Variants in HIP1 observed in about 807,000 individuals in gnomAD.
HIP1 encodes the protein huntingtin-interacting protein 1.
HIP1 carries 65 observed loss-of-function variants against 147.6 expected under a neutral mutation model. The ratio of observed to expected loss-of-function variants is 0.44; its 90% confidence interval spans 0.36 to 0.54. HIP1 has a LOEUF of 0.54. Ranked by LOEUF, HIP1 falls within the 20% of genes least tolerant of loss-of-function variation. The pLI is 0.00. For synonymous variants in HIP1, 479 were observed against 504.0 expected, an observed-to-expected ratio of 0.95 and a Z score of 0.67; for missense variants, 1,061 against 1,299.6, an observed-to-expected ratio of 0.82 and a Z score of 2.82.
At position 75,538,181 on chromosome 7, in the gene HIP1, T is replaced by C; in HGVS notation, c.3105A>G (p.Glu1035=). The change falls in exon 31 of 31, where the codon GAA becomes GAG. Residue 1035 remains glutamate, a synonymous_variant. Transcript: ENST00000336926. The part of the protein sequence containing the change: ...SPPTLQEVVT[E]KE ...GGGTGTTGGTTTGGCTCTATTCTTT[T>C]TCGGTTACCACTTCTTGCAGTGTAG... 1 of 1,612,656 alleles carries C rather than the reference T, an allele frequency of 6.2e-7. No homozygotes were observed. Among genetic ancestry groups the C allele is most frequent in the Non-Finnish European group, 8.5e-7 (1 of 1,178,734 alleles).
intron 1 of HIP1, among the ~76,000 whole-genome samples, chr7:75,726,709 T>C (rs1801660928): frequency 6.6e-6 from 1 of 150,984 alleles, no homozygotes; most frequent in Admixed American, 6.6e-5. Flanking sequence ...TTTTCTTTTT[T>C]TTTTTTTTTT....
At chr7:75,565,422 T>C (rs1456657244) in intron 9 of HIP1, among the ~76,000 whole-genome samples, 1 of 152,212 alleles carries the variant, frequency 6.6e-6, no homozygotes, top group Non-Finnish European at 1.5e-5. Context: ...GAAATCAGCC[T>C]CAGGGCCTGT....
intron 1 of HIP1, among the ~76,000 whole-genome samples, chr7:75,721,068 T>TA (rs1554521260): frequency 7.1e-6 from 1 of 141,604 alleles, no homozygotes; most frequent in African/African-American, 2.7e-5. Flanking sequence ...CTCATCTCTA[T>TA]AAAAAATCAA....
At chr7:75,729,250 C>T (rs768619511) in intron 1 of HIP1, among the ~76,000 whole-genome samples, 17 of 130,608 alleles carry the variant, frequency 1.3e-4, no homozygotes, top group Non-Finnish European at 2.3e-4. Flanking sequence ...GAGAGGATCG[C>T]TTCAGGCCAG....
chr7:75,685,658 C>T (rs1800236576), intron 1 of HIP1, among the ~76,000 whole-genome samples: 1 of 152,240 alleles, frequency 6.6e-6, no homozygotes, highest in Non-Finnish European at 1.5e-5. Flanking sequence ...AAGCAATTCT[C>T]CTGCCTCAGC....
chr7:75,611,082 T>C (rs1318511545), intron 1 of HIP1, among the ~76,000 whole-genome samples: 1 of 90,136 alleles, frequency 1.1e-5, no homozygotes, highest in Non-Finnish European at 1.9e-5. Context: ...ATTTTTGTAT[T>C]TTGTATTTTT....
At chr7:75,592,299 T>G (rs1341883574) in intron 3 of HIP1, 73 bp downstream of exon 3, 2 of 1,535,200 alleles carry the variant, frequency 1.3e-6, no homozygotes, top group African/African-American at 2.7e-5. Context: ...GACAGCAGCC[T>G]CTGTGGCCCA....
chr7:75,597,684 G>A (rs1007768144), intron 2 of HIP1, among the ~76,000 whole-genome samples: 2 of 140,082 alleles, frequency 1.4e-5, no homozygotes, highest in East Asian at 4.4e-4. Flanking sequence ...AGGTTGCGGT[G>A]AGCTGAGATC....
rs532429468 is a variant in HIP1 at position 75,679,672 on chromosome 7, T to G, written c.120+59129A>C. 3.7e-5 allele frequency among the ~76,000 whole-genome samples: 3 copies of G among 80,666 alleles called. No homozygotes were observed. In the South Asian group the frequency reaches 1.3e-3, roughly 34 times the overall value. The allele number at this position is 80,666 out of a possible 152,430, so 52.9% of individuals were successfully genotyped here. A position where few individuals can be genotyped will look rare whatever the true frequency, so the allele number is the denominator to read the frequency against. On this transcript the variant is annotated intron_variant, in intron 1 of 30. Coordinates refer to ENST00000336926, the MANE Select transcript of HIP1 (RefSeq NM_005338.7). ...TTCCTGGTTTCCCTCCTTTCTCTAT[T>G]AATTTTCTTGTTTGGCTTCTTCTCA...
chr7:75,624,764 C>G lies in HIP1; in HGVS notation c.121-25517G>C, dbSNP rs142662767. ...CGTCCTGTCTAATTTGACCCTCATGCCTTCTCTTCATGCCACCTCTCTAAC... is the reference window on the plus strand; with the variant it reads ...CGTCCTGTCTAATTTGACCCTCATGGCTTCTCTTCATGCCACCTCTCTAAC... On this transcript the variant is annotated intron_variant, in intron 1 of 30. Transcript: ENST00000336926. 1.3e-4 allele frequency among the ~76,000 whole-genome samples: 20 copies of G among 152,206 alleles called. No homozygotes were observed. The East Asian group carries it at 3.7e-3, about 28-fold the overall frequency.
intron 1 of HIP1, among the ~76,000 whole-genome samples, chr7:75,679,605 T>C (rs2705797): frequency 0.57 from 87,380 of 152,096 alleles, 25,577 homozygotes; most frequent in African/African-American, 0.66. Context: ...GCCACTCCGT[T>C]GTTCCTGAAA....
chr7:75,651,626 C>A (rs561719332), intron 1 of HIP1, among the ~76,000 whole-genome samples: 7 of 152,184 alleles, frequency 4.6e-5, no homozygotes, highest in Middle Eastern at 6.8e-3. Context: ...GGGTGGGTCA[C>A]TGTCAAATTC....
intron 2 of HIP1, among the ~76,000 whole-genome samples, chr7:75,596,305 T>C (rs968288218): frequency 1.3e-5 from 2 of 150,302 alleles, no homozygotes; most frequent in East Asian, 2.0e-4. Context: ...CTGTATGGAG[T>C]TGATTTTTCA....
chr7:75,673,563 C>T (rs1448880782), intron 1 of HIP1, among the ~76,000 whole-genome samples: 2 of 152,184 alleles, frequency 1.3e-5, no homozygotes, highest in Middle Eastern at 3.4e-3. Context: ...AACAATATTT[C>T]GTAGTTCCAG....
At chr7:75,586,162 A>G (rs587606019) in intron 5 of HIP1, among the ~76,000 whole-genome samples, 5 of 151,754 alleles carry the variant, frequency 3.3e-5, no homozygotes, top group African/African-American at 7.3e-5. Flanking sequence ...TAACATTTTC[A>G]TAAGGCAATA....
At chr7:75,736,835 C>CT (rs1344832429) in intron 1 of HIP1, among the ~76,000 whole-genome samples, 1 of 151,840 alleles carries the variant, frequency 6.6e-6, no homozygotes, top group Non-Finnish European at 1.5e-5. Flanking sequence ...GAGGCACTTT[C>CT]TTTTTTTCTT....
Position 75,548,999 on chromosome 7 carries a change from C to T in HIP1, c.2298G>A (p.Glu766=), listed in dbSNP as rs1794677543. 1 of 1,608,196 alleles carries T rather than the reference C, an allele frequency of 6.2e-7. No homozygotes were observed. Among genetic ancestry groups the T allele is most frequent in the Non-Finnish European group, 8.5e-7 (1 of 1,174,582 alleles). ...TGATGTCCAGTCCCCTGGGCAGGAG[C>T]TCCTGTGAACACATCACAAAGGCTG... is the stretch of plus-strand genomic sequence containing the variant. ...CLSKIKAIGE[E]LLPRGLDIKQ... is the part of the protein sequence containing the mutation. Residue 766 remains glutamate (E), a splice_region_variant and synonymous_variant, in exon 23 of 31, where the codon GAG becomes GAA. Coordinates refer to ENST00000336926, the MANE Select transcript of HIP1 (RefSeq NM_005338.7).
chr7:75,586,771 C>T lies in HIP1; in HGVS notation c.447G>A (p.Lys149=), dbSNP rs1796303187. The T allele has an allele frequency of 1.9e-6, 3 of 1,612,938 alleles. No individual in the cohort carries two copies. Among genetic ancestry groups the T allele is most frequent in the African/African-American group, 1.3e-5 (1 of 74,884 alleles). Residue 149 remains lysine (K), a synonymous_variant, in exon 5 of 31, where the codon AAG becomes AAA. Coordinates refer to ENST00000336926, the MANE Select transcript of HIP1 (RefSeq NM_005338.7). Reference sequence around the variant, plus strand: ...GACTCACTTTGGTGTGGTACTCCATCTTGGTTCTTAGCAGTTTCAGGTAGA... The same window carrying T: ...GACTCACTTTGGTGTGGTACTCCATTTTGGTTCTTAGCAGTTTCAGGTAGA... ...CSIYLKLLRT[K]MEYHTKNPRF... is the part of the protein sequence containing the mutation.
intron 1 of HIP1, among the ~76,000 whole-genome samples, chr7:75,687,789 C>A (rs1247099593): frequency 6.6e-6 from 1 of 152,144 alleles, no homozygotes; most frequent in African/African-American, 2.4e-5. Context: ...CTGGGCCCAA[C>A]CTTCCTTCCC....
Sources: gnomAD v4.1 joint callset for allele counts (sites outside exome capture counted in the v4.1 genomes callset) on GRCh38, gnomAD v4.1.1 for gene constraint, MANE v1.5 for transcripts, NCBI Gene and HGNC (gene_info 2026-07-23, HGNC 2026-07-21) for gene names.